ABCC9: variants seen among roughly 807,000 people sequenced by gnomAD.
The protein encoded by ABCC9 is ATP-binding cassette sub-family C member 9.
ABCC9 carries 95 observed loss-of-function variants against 188.3 expected under a neutral mutation model. The observed-to-expected ratio is 0.50, with a 90% CI of 0.43 to 0.60. The LOEUF (loss-of-function observed/expected upper bound fraction) is 0.60, where lower values mean the gene tolerates loss of function less well. Ranked by LOEUF, ABCC9 falls within the 20% of genes least tolerant of loss-of-function variation. The pLI, the probability that ABCC9 is intolerant of heterozygous loss-of-function variation, is 0.00. For synonymous variants in ABCC9, 659 were observed against 652.7 expected, an observed-to-expected ratio of 1.01 and a Z score of -0.15; for missense variants, 1,102 against 1,876.3, an observed-to-expected ratio of 0.59 and a Z score of 7.62.
chr12:21,807,405 C>T lies in ABCC9; in HGVS notation c.4390G>A (p.Val1464Ile). ...RQLFCLARAF[V>I]RKSSILIMDE... ...ATAATAAGAATGCTGCTTTTGCGGA[C>T]AAAGGCCCTGGCAAGGCAAAATAGC... is the stretch of plus-strand genomic sequence containing the variant. The change falls in exon 38 of 40, where the codon GTC becomes ATC. Residue 1464 changes from valine to isoleucine, a missense_variant. Transcript: ENST00000261200. 1 of 1,614,008 alleles carries T rather than the reference C, an allele frequency of 6.2e-7. No homozygotes were observed. Among genetic ancestry groups the T allele is most frequent in the Non-Finnish European group, 8.5e-7 (1 of 1,179,890 alleles).
At chr12:21,804,535 A>G (rs1000357795) in intron 39 of ABCC9, among the ~76,000 whole-genome samples, 1 of 152,156 alleles carries the variant, frequency 6.6e-6, no homozygotes, top group African/African-American at 2.4e-5. Flanking sequence ...TACCCCTTAA[A>G]TCATTCACAC....
intron 4 of ABCC9, among the ~76,000 whole-genome samples, chr12:21,928,074 G>T (rs920750085): frequency 6.6e-6 from 1 of 151,890 alleles, no homozygotes; most frequent in Non-Finnish European, 1.5e-5. Context: ...ACAAAAATTA[G>T]CCATGTGTGG....
At chr12:21,924,024 T>C in intron 5 of ABCC9, 1 of 460,336 alleles carries the variant, frequency 2.2e-6, no homozygotes, top group Non-Finnish European at 3.8e-6. Context: ...ACTGTGTCAT[T>C]CAATTTACAT....
rs146894077 is a variant in ABCC9, at chr12:21,922,460, A to G, written c.406+3482T>C. ...CTGGTATTTTGTTGAGAATTTTTGC[A>G]TCAATACTTAATTGCATTTCACATA... On this transcript the variant is annotated intron_variant, in intron 5 of 39. Coordinates refer to ENST00000261200, the MANE Select transcript of ABCC9 (RefSeq NM_020297.4). 3.3e-4 allele frequency among the ~76,000 whole-genome samples: 50 copies of G among 152,044 alleles called. No homozygotes were observed. In the East Asian group the frequency reaches 9.3e-3, roughly 28 times the overall value.
At chr12:21,870,928 A>G (rs1011008461) in intron 18 of ABCC9, among the ~76,000 whole-genome samples, 2 of 152,178 alleles carry the variant, frequency 1.3e-5, no homozygotes, top group Non-Finnish European at 1.5e-5. Flanking sequence ...CATTAACACA[A>G]TGATAATTAT....
rs1945402488 is a variant in ABCC9 at position 21,859,613 on chromosome 12, C to T, written c.2478G>A (p.Leu826=). ...QRQRICVARA[L]YQNTNIVFLD... ...AAAAGACAATGTTGGTGTTTTGATA[C>T]AGCGCTCGTGCCACACAGATTCTCT... The change falls in exon 22 of 40, where the codon CTG becomes CTA. Residue 826 remains leucine (L), a synonymous_variant. Coordinates refer to ENST00000261200, the MANE Select transcript of ABCC9 (RefSeq NM_020297.4). 1.2e-6 allele frequency: 2 copies of T among 1,613,896 alleles called. No homozygotes were observed. Among genetic ancestry groups the T allele is most frequent in the Non-Finnish European group, 1.7e-6 (2 of 1,179,850 alleles).
Position 21,828,978 on chromosome 12 carries a change from T to C in ABCC9, c.3649A>G (p.Arg1217Gly). ...CGTACCGTCCTGACCTCCAGCCATC[T>C]GTTGGCAGCTGAGAGAAATAAGTAG... is the stretch of plus-strand genomic sequence containing the variant. ...IAYLFLSAAN[R>G]WLEVRTDYLG... The change falls in exon 31 of 40, where the codon AGA (arginine) becomes GGA (glycine). Residue 1217 changes from arginine (R) to glycine (G), a missense_variant. Physicochemically the swap from Arg to Gly is moderately radical, Grantham distance 125. This residue lies in a region of ABCC9 where 143 missense variants were observed against 225.6 expected (regional missense o/e 0.63). Transcript: ENST00000261200. 1 of 1,613,966 alleles carries C rather than the reference T, an allele frequency of 6.2e-7. No homozygotes were observed. The highest frequency in any genetic ancestry group is 8.5e-7 in the Non-Finnish European group (1 of 1,179,848).
chr12:21,913,011 C>G lies in ABCC9; in HGVS notation c.872G>C (p.Arg291Thr). 1 of 1,612,148 alleles carries G rather than the reference C, an allele frequency of 6.2e-7. No homozygotes were observed. Among genetic ancestry groups the G allele is most frequent in the Non-Finnish European group, 8.5e-7 (1 of 1,179,408 alleles). The change falls in exon 8 of 40, where the codon AGA (arginine) becomes ACA (threonine). Residue 291 changes from arginine to threonine, a missense_variant. This residue lies in a region of ABCC9 where 305 missense variants were observed against 573.0 expected (regional missense o/e 0.53). Transcript: ENST00000261200. ...RTPSIWLAMYRAFGRPILLSS... is the reference protein window; with the variant it reads ...RTPSIWLAMYTAFGRPILLSS... ...AAGTAGAATTGGTCGCCCAAAAGCT[C>G]TGTACATTGCAAGCCATATAGATGG...
intron 31 of ABCC9, among the ~76,000 whole-genome samples, chr12:21,822,627 A>G (rs890882375): frequency 6.3e-5 from 9 of 142,766 alleles, no homozygotes; most frequent in Non-Finnish European, 9.1e-5. Flanking sequence ...GTGAAACCCC[A>G]TCTCTACACA....
At chr12:21,926,495 C>T (rs1319189073) in intron 4 of ABCC9, among the ~76,000 whole-genome samples, 1 of 152,210 alleles carries the variant, frequency 6.6e-6, no homozygotes, top group East Asian at 1.9e-4. Context: ...TCATTCAATG[C>T]ATCTGTGATT....
At chr12:21,920,641 A>G (rs533571536) in intron 5 of ABCC9, among the ~76,000 whole-genome samples, 1 of 152,160 alleles carries the variant, frequency 6.6e-6, no homozygotes, top group South Asian at 2.1e-4. Context: ...CTGTTGTGCT[A>G]TCAAATACTA....
intron 24 of ABCC9, 66 bp from the exon 25 acceptor site, chr12:21,848,312 G>A: frequency 1.5e-6 from 2 of 1,359,000 alleles, no homozygotes; most frequent in Non-Finnish European, 2.1e-6. Flanking sequence ...ATCAATGAAT[G>A]ACTCACACGT....
chr12:21,860,317 G>A (rs1377548599), intron 21 of ABCC9, among the ~76,000 whole-genome samples: 1 of 152,206 alleles, frequency 6.6e-6, no homozygotes, highest in Non-Finnish European at 1.5e-5. Context: ...CACAGAGCCA[G>A]ACTAATCCTG....
intron 31 of ABCC9, among the ~76,000 whole-genome samples, chr12:21,825,250 C>A (rs187874009): frequency 2.0e-4 from 30 of 152,276 alleles, no homozygotes; most frequent in African/African-American, 7.2e-4. Flanking sequence ...CCTCAAGGAT[C>A]TAGAACCAGA....
Position 21,901,296 on chromosome 12 carries a change from T to G in ABCC9, c.1618+4830A>C, listed in dbSNP as rs371689856. ...ACCAGACCTGCCCTACAAGAGCTCC[T>G]GAAGGAAGCAATAAACATGGAAGGG... On this transcript the variant is annotated intron_variant, in intron 12 of 39. Coordinates refer to ENST00000261200, the MANE Select transcript of ABCC9 (RefSeq NM_020297.4). Among the ~76,000 whole-genome samples the G allele has an allele frequency of 1.6e-3, 251 of 152,210 alleles. 3 individuals are homozygous for G. The South Asian group carries it at 0.033, about 20-fold the overall frequency.
chr12:21,808,512 G>T (rs1458890849), intron 37 of ABCC9, among the ~76,000 whole-genome samples: 1 of 152,112 alleles, frequency 6.6e-6, no homozygotes, highest in Non-Finnish European at 1.5e-5. Flanking sequence ...AATATTAATG[G>T]TGAGAGAGGG....
At chr12:21,859,229 A>G (rs1441158273) in intron 22 of ABCC9, among the ~76,000 whole-genome samples, 1 of 152,156 alleles carries the variant, frequency 6.6e-6, no homozygotes, top group African/African-American at 2.4e-5. Flanking sequence ...TGTGTCTACC[A>G]AGAGTATATT....
At chr12:21,822,600 C>G (rs1022512280) in intron 31 of ABCC9, among the ~76,000 whole-genome samples, 1 of 151,472 alleles carries the variant, frequency 6.6e-6, no homozygotes, top group Non-Finnish European at 1.5e-5. Flanking sequence ...GAGATCGAGA[C>G]CATCCTGGCT....
At chr12:21,919,133 G>C (rs1212071760) in intron 5 of ABCC9, among the ~76,000 whole-genome samples, 1 of 151,724 alleles carries the variant, frequency 6.6e-6, no homozygotes, top group African/African-American at 2.4e-5. Flanking sequence ...TACCTTTAAA[G>C]CTCAGGAAAG....
Sources: gnomAD v4.1 joint callset for allele counts (sites outside exome capture counted in the v4.1 genomes callset) on GRCh38, gnomAD v4.1.1 for gene constraint, gnomAD v4.1.1 regional missense constraint, MANE v1.5 for transcripts, NCBI Gene and HGNC (gene_info 2026-07-23, HGNC 2026-07-21) for gene names.